The following ABCC4 variants were observed in gnomAD, a reference collection of about 807,000 sequenced individuals.
ABCC4 encodes ATP binding cassette subfamily C member 4 (PEL blood group).
ABCC4 carries 102 observed loss-of-function variants against 168.5 expected under a neutral mutation model. The ratio of observed to expected loss-of-function variants is 0.61; its 90% CI spans 0.52 to 0.71. The LOEUF (loss-of-function observed/expected upper bound fraction) is 0.71. ABCC4 is among the 30% of genes least tolerant of loss of function. The pLI is 0.00. For missense variants in ABCC4, 1,402 were observed against 1,605.8 expected, an observed-to-expected ratio of 0.87 and a Z score of 2.17; for synonymous variants, 617 against 590.7, an observed-to-expected ratio of 1.04 and a Z score of -0.65.
At position 95,170,574 on chromosome 13, in the gene ABCC4, C is replaced by A. The variant is rs2139572842; in HGVS notation, c.1782G>T (p.Leu594Phe). Residue 594 changes from leucine to phenylalanine, a missense_variant, in exon 14 of 31, where the codon TTG becomes TTT. Transcript: ENST00000645237. ...TCTGACTTGCAGCTTTGAGGTACTG[C>A]AACTGATGAGTCACTAAAATTGTGA... ...EKITILVTHQ[L>F]QYLKAASQIL... is the part of the protein sequence containing the mutation. The A allele has an allele frequency of 3.1e-6, 5 of 1,612,170 alleles. No homozygotes were observed. The highest frequency in any genetic ancestry group is 4.2e-6 in the Non-Finnish European group (5 of 1,179,658).
At chr13:95,168,478 G>T (rs1315086835) in intron 14 of ABCC4, among the ~76,000 whole-genome samples, 3 of 152,168 alleles carry the variant, frequency 2.0e-5, no homozygotes, top group African/African-American at 7.2e-5. Flanking sequence ...CACAAGACTT[G>T]CAAGAGCTTT....
chr13:95,064,258 GTGTATATATATA>G lies in ABCC4; in HGVS notation c.3211-1411_3211-1400del, dbSNP rs1467096147. Among the ~76,000 whole-genome samples the G allele has an allele frequency of 6.7e-4, 6 of 8,988 alleles. No individual in the cohort carries two copies. The South Asian group carries it at 0.028, about 42-fold the overall frequency. 5.9% of individuals were successfully genotyped at this position (8,988 alleles called of 152,430 possible). ...TAGGTACATCCGGGTGTGTGTGTGT[GTGTATATATATA>G]TATATATATATATATATATATATAT... is the stretch of plus-strand genomic sequence containing the variant. On this transcript the variant is annotated intron_variant, in intron 25 of 30. Transcript: ENST00000645237.
At chr13:95,245,927 C>T (rs955162430) in intron 3 of ABCC4, among the ~76,000 whole-genome samples, 1 of 142,920 alleles carries the variant, frequency 7.0e-6, no homozygotes. Flanking sequence ...AACTCCCCAT[C>T]CTGCATTTAA....
intron 4 of ABCC4, among the ~76,000 whole-genome samples, chr13:95,228,484 A>T (rs1337842976): frequency 6.6e-6 from 1 of 152,084 alleles, no homozygotes; most frequent in South Asian, 2.1e-4. Context: ...AAGAGAAGGA[A>T]AAGATCAAGG....
chr13:95,296,145 C>T (rs985302400), intron 1 of ABCC4, among the ~76,000 whole-genome samples: 4 of 28,670 alleles, frequency 1.4e-4, no homozygotes, highest in Non-Finnish European at 6.3e-4. Context: ...AACACACACA[C>T]ACACACACAC....
chr13:95,074,105 T>C (rs1455786006), intron 23 of ABCC4, 109 bp downstream of exon 23: 4 of 820,594 alleles, frequency 4.9e-6, no homozygotes, highest in Non-Finnish European at 7.6e-6. Context: ...TACACTTCAT[T>C]AGGACCAAAC....
At chr13:95,098,881 T>A (rs904489737) in intron 20 of ABCC4, among the ~76,000 whole-genome samples, 1 of 152,190 alleles carries the variant, frequency 6.6e-6, no homozygotes, top group African/African-American at 2.4e-5. Flanking sequence ...ATACTAAATG[T>A]TGGCGAGGAT....
chr13:95,054,168 C>T (rs1441396483), intron 26 of ABCC4, among the ~76,000 whole-genome samples: 1 of 151,288 alleles, frequency 6.6e-6, no homozygotes, highest in African/African-American at 2.4e-5. Context: ...ATCTGTGCAT[C>T]AAGGTTACCT....
chr13:95,063,606 G>A (rs1029042880), intron 25 of ABCC4, among the ~76,000 whole-genome samples: 1 of 152,170 alleles, frequency 6.6e-6, no homozygotes, highest in Non-Finnish European at 1.5e-5. Flanking sequence ...CATCTGCACA[G>A]TTCAAAAGGC....
At position 95,206,530 on chromosome 13, in the gene ABCC4, A is replaced by C. The variant is rs1566525744; in HGVS notation, c.1161+2T>G. 1 of 1,612,836 alleles carries C rather than the reference A, an allele frequency of 6.2e-7. No homozygotes were observed. The highest frequency in any genetic ancestry group is 8.5e-7 in the Non-Finnish European group (1 of 1,179,040). On this transcript the variant is annotated splice_donor_variant, in intron 8 of 30. Coordinates refer to ENST00000645237, the MANE Select transcript of ABCC4 (RefSeq NM_005845.5). LOFTEE classifies it high-confidence loss of function. ...AACTTTAAAATGGCATCTGACACCA[A>C]CCTGGATTCTTCGGATGCTGACGAT... is the stretch of plus-strand genomic sequence containing the variant.
chr13:95,074,758 T>C (rs952913093), intron 22 of ABCC4, among the ~76,000 whole-genome samples: 1 of 152,182 alleles, frequency 6.6e-6, no homozygotes, highest in East Asian at 1.9e-4. Flanking sequence ...TGACTATTGC[T>C]TAGGGGCTAT....
At chr13:95,128,037 A>AGG (rs1386425067) in intron 19 of ABCC4, among the ~76,000 whole-genome samples, 2 of 152,228 alleles carry the variant, frequency 1.3e-5, no homozygotes, top group Non-Finnish European at 2.9e-5. Flanking sequence ...TTTGATCCTC[A>AGG]GGGATCTTCT....
chr13:95,269,434 AATATATATATAT>A, intron 1 of ABCC4: 7 of 118,804 alleles, frequency 5.9e-5, no homozygotes, highest in Non-Finnish European at 1.0e-4. Flanking sequence ...TCAAAAAAAA[AATATATATATAT>A]ATATATATAT....
chr13:95,301,222 T>G lies in ABCC4; in HGVS notation c.74+19A>C. The G allele has an allele frequency of 6.3e-7, 1 of 1,577,026 alleles. No individual in the cohort carries two copies. The highest frequency in any genetic ancestry group is 1.4e-5 in the African/African-American group (1 of 71,730). On this transcript the variant is annotated intron_variant, in intron 1 of 30. Coordinates refer to ENST00000645237, the MANE Select transcript of ABCC4 (RefSeq NM_005845.5). ...CGCCAGCGGCTGCAGGGTGACCTGT[T>G]TCGGGCGGGGACACTCACCAGAAGA...
At chr13:95,102,391 C>T (rs915366369) in intron 20 of ABCC4, among the ~76,000 whole-genome samples, 9 of 152,034 alleles carry the variant, frequency 5.9e-5, no homozygotes, top group African/African-American at 9.7e-5. Flanking sequence ...AGAGTTCTTT[C>T]CAGGTCGGCC....
intron 11 of ABCC4, 39 bp downstream of exon 11, chr13:95,186,662 G>A (rs1020031470): frequency 1.3e-6 from 2 of 1,573,038 alleles, no homozygotes; most frequent in African/African-American, 2.7e-5. Context: ...TAGTATTACT[G>A]GACATTCGAG....
At chr13:95,189,579 C>T (rs2038191720) in intron 9 of ABCC4, among the ~76,000 whole-genome samples, 1 of 152,138 alleles carries the variant, frequency 6.6e-6, no homozygotes, top group South Asian at 2.1e-4. Flanking sequence ...TTGAAATCTC[C>T]ACTAATCTTT....
intron 19 of ABCC4, among the ~76,000 whole-genome samples, chr13:95,127,936 CA>C (rs201559847): frequency 6.7e-6 from 1 of 149,918 alleles, no homozygotes; most frequent in Non-Finnish European, 1.5e-5. Flanking sequence ...TTTCAACATG[CA>C]AAAAAAAAGC....
At chr13:95,252,762 C>T (rs2138824230) in intron 1 of ABCC4, among the ~76,000 whole-genome samples, 1 of 152,352 alleles carries the variant, frequency 6.6e-6, no homozygotes, top group South Asian at 2.1e-4. Context: ...TAGGCAGCCA[C>T]TGAGGTGAGG....
Sources: allele counts gnomAD v4.1 joint callset (sites outside exome capture counted in the v4.1 genomes callset), GRCh38; gene constraint gnomAD v4.1.1; transcripts MANE v1.5; gene names NCBI Gene and HGNC (gene_info 2026-07-23, HGNC 2026-07-21).